Variants in CEP63 observed in about 807,000 individuals in gnomAD.
CEP63 encodes centrosomal protein of 63 kDa.
In CEP63, 84 loss-of-function variants were observed where a neutral mutation model predicts 89.1. That is an observed-to-expected ratio of 0.94 (90% CI 0.79 to 1.13). The LOEUF (loss-of-function observed/expected upper bound fraction) is 1.13. Among genes scored for constraint, CEP63 ranks in the 50% most tolerant of loss-of-function variants. CEP63 has a pLI of 0.00. For missense variants in CEP63, 838 were observed against 813.3 expected (o/e 1.03, Z -0.37); for synonymous variants, 267 against 272.5 (o/e 0.98, Z 0.20).
intron 14 of CEP63, among the ~76,000 whole-genome samples, chr3:134,559,873 G>A (rs571820915): frequency 7.4e-4 from 113 of 152,354 alleles, no homozygotes; most frequent in African/African-American, 2.6e-3. Flanking sequence ...GGGGGTCACA[G>A]ATGGTGGCCC....
the CEP63 span, among the ~76,000 whole-genome samples, chr3:134,738,535 A>G: frequency 6.6e-6 from 1 of 152,260 alleles, no homozygotes; most frequent in South Asian, 2.1e-4. Context: ...ACAAAATATC[A>G]TATGTTGTCA....
At chr3:134,607,899 C>T in the CEP63 span, 3 of 991,434 alleles carry the variant, frequency 3.0e-6, no homozygotes, top group Middle Eastern at 5.2e-4. Context: ...GCTTGGCCCT[C>T]ATCCAGGGGT....
At chr3:134,718,228 A>G in the CEP63 span, among the ~76,000 whole-genome samples, 2 of 152,196 alleles carry the variant, frequency 1.3e-5, no homozygotes, top group Non-Finnish European at 2.9e-5. Flanking sequence ...AAGGAGACAC[A>G]TTCATTCTCC....
At chr3:134,623,472 C>T in the CEP63 span, among the ~76,000 whole-genome samples, 1 of 152,146 alleles carries the variant, frequency 6.6e-6, no homozygotes. Context: ...CAGGGACTTC[C>T]CTTCTTCAAT....
chr3:134,746,218 C>T, the CEP63 span, among the ~76,000 whole-genome samples: 1 of 151,786 alleles, frequency 6.6e-6, no homozygotes, highest in Non-Finnish European at 1.5e-5. Context: ...TGGTTTCCAG[C>T]TTTATCCATG....
At chr3:134,782,326 GGGT>G in the CEP63 span, among the ~76,000 whole-genome samples, 3 of 152,074 alleles carry the variant, frequency 2.0e-5, no homozygotes, top group Admixed American at 2.0e-4. Context: ...TTTTTTTGGT[GGGT>G]AGATTTTTAA....
chr3:134,688,327 A>G, the CEP63 span, among the ~76,000 whole-genome samples: 1 of 152,246 alleles, frequency 6.6e-6, no homozygotes, highest in Non-Finnish European at 1.5e-5. Flanking sequence ...TGAAATGCCC[A>G]GAAAAGACAA....
At chr3:134,625,791 C>T in the CEP63 span, among the ~76,000 whole-genome samples, 1 of 152,238 alleles carries the variant, frequency 6.6e-6, no homozygotes, top group South Asian at 2.1e-4. Context: ...AAAGGCTGGG[C>T]CTCCAAATCA....
chr3:134,581,897 G>C (rs567909394), intron 10 of CEP63, among the ~76,000 whole-genome samples: 2 of 151,472 alleles, frequency 1.3e-5, no homozygotes, highest in African/African-American at 2.4e-5. Context: ...GGATGGTCTC[G>C]ATCTCCTGAC....
chr3:134,580,176 C>T (rs1259768468), intron 10 of CEP63, among the ~76,000 whole-genome samples: 1 of 136,432 alleles, frequency 7.3e-6, no homozygotes, highest in African/African-American at 2.8e-5. Flanking sequence ...GCCTGGGCGA[C>T]AGAGTGAGAC....
At chr3:134,507,728 C>A (rs894878662) in intron 3 of CEP63, among the ~76,000 whole-genome samples, 5 of 151,478 alleles carry the variant, frequency 3.3e-5, no homozygotes, top group African/African-American at 1.2e-4. Flanking sequence ...AAAAACAAAA[C>A]AAAACACGTT....
At chr3:134,498,798 G>A (rs557492936) in intron 2 of CEP63, among the ~76,000 whole-genome samples, 8 of 152,232 alleles carry the variant, frequency 5.3e-5, no homozygotes, top group African/African-American at 1.7e-4. Context: ...TGTATCTGTT[G>A]AGATGATCAT....
intron 12 of CEP63, chr3:134,552,665 ATTG>A (rs1184415991): frequency 6.6e-6 from 1 of 151,936 alleles, no homozygotes; most frequent in Non-Finnish European, 1.5e-5. Flanking sequence ...TATTATTATT[ATTG>A]TTAATGATTA....
At chr3:134,595,819 G>A in the CEP63 span, among the ~76,000 whole-genome samples, 1 of 152,166 alleles carries the variant, frequency 6.6e-6, no homozygotes, top group African/African-American at 2.4e-5. Context: ...CTCTTCAGAG[G>A]ATCAGCCTTG....
At chr3:134,695,559 A>G in the CEP63 span, among the ~76,000 whole-genome samples, 110 of 152,324 alleles carry the variant, frequency 7.2e-4, 1 homozygote, top group Non-Finnish European at 1.4e-3. Flanking sequence ...GGTGACGGCT[A>G]TGCCACATGT....
intron 10 of CEP63, among the ~76,000 whole-genome samples, chr3:134,585,753 C>T (rs561878394): frequency 6.6e-6 from 1 of 152,180 alleles, no homozygotes; most frequent in Non-Finnish European, 1.5e-5. Flanking sequence ...TCCTTGTTAA[C>T]CTTCTATCTC....
downstream of CEP63, among the ~76,000 whole-genome samples, chr3:134,575,575 TCCTC>T (rs767086336): frequency 3.8e-4 from 46 of 121,584 alleles, no homozygotes; most frequent in Admixed American, 6.3e-4. Flanking sequence ...GTGGCCCTCT[TCCTC>T]CCTCCCTCCC....
At chr3:134,710,089 C>T in the CEP63 span, among the ~76,000 whole-genome samples, 3 of 152,188 alleles carry the variant, frequency 2.0e-5, no homozygotes, top group East Asian at 1.9e-4. Context: ...TGGGGACCCA[C>T]GCTTCAGTTC....
At chr3:134,716,080 A>C in the CEP63 span, among the ~76,000 whole-genome samples, 1 of 152,112 alleles carries the variant, frequency 6.6e-6, no homozygotes, top group Admixed American at 6.5e-5. Context: ...CACATTTATT[A>C]TTGACTCAAT....
Sources: gnomAD v4.1 joint callset for allele counts (sites outside exome capture counted in the v4.1 genomes callset) on GRCh38, gnomAD v4.1.1 for gene constraint, MANE v1.5 for transcripts, NCBI Gene and HGNC (gene_info 2026-07-23, HGNC 2026-07-21) for gene names.